Variants in FHL2 observed in about 807,000 individuals in gnomAD.
FHL2 encodes the protein four and a half LIM domains 2.
A neutral mutation model predicts 32.7 loss-of-function variants in FHL2; 20 were observed. That is an observed-to-expected ratio of 0.61 (90% CI 0.43 to 0.89). FHL2 has a LOEUF of 0.89. Ranked by LOEUF, FHL2 falls within the 40% of genes least tolerant of loss-of-function variation. The probability of loss-of-function intolerance (pLI) is 0.00; values close to 1 mark genes in which losing one functional copy is unlikely to be tolerated. For missense variants in FHL2, 311 were observed against 358.6 expected (o/e 0.87, Z 1.07); for synonymous variants, 123 against 128.1 (o/e 0.96, Z 0.27).
chr2:105,378,300 G>A (rs1386749488), intron 3 of FHL2: 1 of 415,368 alleles, frequency 2.4e-6, no homozygotes, highest in East Asian at 7.2e-5. Context: ...ACATGTTACT[G>A]GACTAAGCAT....
At chr2:105,371,402 A>C (rs1681052277) in intron 4 of FHL2, among the ~76,000 whole-genome samples, 1 of 152,124 alleles carries the variant, frequency 6.6e-6, no homozygotes, top group African/African-American at 2.4e-5. Flanking sequence ...ACCCTGCCTG[A>C]GTTTCCAGCC....
chr2:105,430,205 C>G (rs6735260), intron 1 of FHL2, among the ~76,000 whole-genome samples: 1 of 152,028 alleles, frequency 6.6e-6, no homozygotes, highest in Non-Finnish European at 1.5e-5. Context: ...GCTTAGCAAA[C>G]GACACCCCAA....
At chr2:105,430,004 G>T (rs1210474735) in intron 1 of FHL2, among the ~76,000 whole-genome samples, 1 of 152,126 alleles carries the variant, frequency 6.6e-6, no homozygotes, top group Admixed American at 6.5e-5. Flanking sequence ...TTAAAATCTT[G>T]CCTGGGCCCA....
At chr2:105,409,725 C>T (rs1035155595) in intron 1 of FHL2, among the ~76,000 whole-genome samples, 1 of 152,180 alleles carries the variant, frequency 6.6e-6, no homozygotes, top group Admixed American at 6.5e-5. Flanking sequence ...ATATAAAATC[C>T]ACCTTGGAGC....
At chr2:105,369,063 T>A (rs909789343) in intron 4 of FHL2, among the ~76,000 whole-genome samples, 1 of 152,212 alleles carries the variant, frequency 6.6e-6, no homozygotes, top group Admixed American at 6.5e-5. Flanking sequence ...GTTGAGTAGT[T>A]GTGACAGAGA....
rs552370775 is a variant in FHL2, at chr2:105,388,438, G to A, written c.-24-1898C>T. Among the ~76,000 whole-genome samples the A allele has an allele frequency of 3.3e-5, 5 of 152,158 alleles. No individual in the cohort carries two copies. The South Asian group carries it at 1.0e-3, about 32-fold the overall frequency. The stretch of plus-strand genomic sequence containing the variant: ...CAGGAATAGCTGGTGTGGAGAAACG[G>A]CCATAGGGCATTAAAAACACAGACA... On this transcript the variant is annotated intron_variant, in intron 2 of 6. Transcript: ENST00000530340.
chr2:105,402,907 C>T (rs1683518515), upstream of FHL2, among the ~76,000 whole-genome samples: 1 of 152,182 alleles, frequency 6.6e-6, no homozygotes, highest in Non-Finnish European at 1.5e-5. Context: ...ACAAGTCTTT[C>T]ACTATAGAAA....
At chr2:105,370,141 A>T (rs76146563) in intron 4 of FHL2, among the ~76,000 whole-genome samples, 11,845 of 152,166 alleles carry the variant, frequency 0.078, 582 homozygotes, top group East Asian at 0.14. Flanking sequence ...TGGGAGGCTA[A>T]GGCGGGAGAT....
intron 1 of FHL2, among the ~76,000 whole-genome samples, chr2:105,419,049 A>G (rs1349010368): frequency 6.6e-6 from 1 of 152,096 alleles, no homozygotes; most frequent in African/African-American, 2.4e-5. Flanking sequence ...GTATACAAGT[A>G]TTTTCTTTAG....
At chr2:105,410,869 G>A (rs1683768072) in intron 1 of FHL2, among the ~76,000 whole-genome samples, 1 of 152,212 alleles carries the variant, frequency 6.6e-6, no homozygotes, top group Admixed American at 6.5e-5. Flanking sequence ...TGCAGTTACA[G>A]CTGCCAACAT....
intron 4 of FHL2, among the ~76,000 whole-genome samples, chr2:105,371,216 C>G (rs1243368654): frequency 6.6e-6 from 1 of 152,152 alleles, no homozygotes; most frequent in African/African-American, 2.4e-5. Flanking sequence ...AACAGGTTTA[C>G]TTGTTGCCGT....
rs759380486 is a variant in FHL2, at chr2:105,361,443, A to C, written c.689-9T>G. ...TTTTGTGCCACCAAGTCCTGTTAAC[A>C]GAGAGAAAATAATACCGGATGAAGA... is the stretch of plus-strand genomic sequence containing the variant. On this transcript the variant is annotated splice_polypyrimidine_tract_variant and intron_variant, in intron 6 of 6. Coordinates refer to ENST00000530340, the MANE Select transcript of FHL2 (RefSeq NM_001318895.3). 1.2e-6 allele frequency: 2 copies of C among 1,610,808 alleles called. No individual in the cohort carries two copies. Among genetic ancestry groups the C allele is most frequent in the East Asian group, 4.5e-5 (2 of 44,844 alleles).
intron 1 of FHL2, among the ~76,000 whole-genome samples, chr2:105,425,158 G>T (rs1264229594): frequency 2.6e-5 from 4 of 152,066 alleles, no homozygotes; most frequent in Non-Finnish European, 5.9e-5. Context: ...TTGTAGCTTT[G>T]CCCCAGCCAC....
At chr2:105,435,206 G>A (rs1684570519) in intron 1 of FHL2, among the ~76,000 whole-genome samples, 1 of 151,898 alleles carries the variant, frequency 6.6e-6, no homozygotes, top group Non-Finnish European at 1.5e-5. Flanking sequence ...TCCATACTAT[G>A]GCTAATCATA....
chr2:105,393,267 G>T lies in FHL2; in HGVS notation c.-25+3380C>A, dbSNP rs1391988711. Among the ~76,000 whole-genome samples the T allele has an allele frequency of 2.6e-5, 4 of 152,114 alleles. No individual in the cohort carries two copies. The East Asian group carries it at 7.7e-4, about 29-fold the overall frequency. On this transcript the variant is annotated intron_variant, in intron 2 of 6. Transcript: ENST00000530340. ...TCTCCCTATCAACCCTGCTGCAGGA[G>T]GCTCCTCTAACATAGCCATTTCCTA...
At chr2:105,363,078 G>A in intron 6 of FHL2, 2 of 569,810 alleles carry the variant, frequency 3.5e-6, no homozygotes, top group African/African-American at 1.9e-5. Context: ...TTGTGATCAG[G>A]TGGGCTGCAG....
intron 1 of FHL2, among the ~76,000 whole-genome samples, chr2:105,407,035 G>C (rs1683654160): frequency 6.6e-6 from 1 of 152,174 alleles, no homozygotes; most frequent in Non-Finnish European, 1.5e-5. Context: ...TGAGACATTT[G>C]AATCTGTGTT....
chr2:105,405,556 C>A (rs938649337), intron 1 of FHL2, among the ~76,000 whole-genome samples: 1 of 152,218 alleles, frequency 6.6e-6, no homozygotes, highest in South Asian at 2.1e-4. Context: ...GGATTACAGG[C>A]GTGAGCCACC....
intron 1 of FHL2, among the ~76,000 whole-genome samples, chr2:105,417,783 T>C (rs979428569): frequency 6.6e-6 from 1 of 152,158 alleles, no homozygotes; most frequent in Non-Finnish European, 1.5e-5. Flanking sequence ...TACTGTTGTT[T>C]TGTCAAGGTC....
Sources: allele counts gnomAD v4.1 joint callset (sites outside exome capture counted in the v4.1 genomes callset), GRCh38; gene constraint gnomAD v4.1.1; transcripts MANE v1.5; gene names NCBI Gene and HGNC (gene_info 2026-07-23, HGNC 2026-07-21).